TCF4: variants seen among roughly 807,000 people sequenced by gnomAD.
TCF4 encodes the protein transcription factor 4, also known as SL3-3 enhancer factor 2.
Under a neutral mutation model 82.1 loss-of-function variants are expected in TCF4, and 3 were observed. That is an observed-to-expected ratio of 0.04 (90% CI 0.02 to 0.09). The LOEUF is 0.09. TCF4 is among the 10% of genes least tolerant of loss of function. The pLI is 1.00. For synonymous variants in TCF4, 276 were observed against 309.6 expected (o/e 0.89, Z 1.14); for missense variants, 518 against 852.7 (o/e 0.61, Z 4.89).
chr18:55,608,321 T>C (rs190609649), intron 2 of TCF4, among the ~76,000 whole-genome samples: 11 of 152,150 alleles, frequency 7.2e-5, no homozygotes, highest in Admixed American at 5.9e-4. Context: ...GCTTTAAAGA[T>C]TTATAATGCA....
At chr18:55,472,788 GT>G (rs1233225872) in intron 3 of TCF4, among the ~76,000 whole-genome samples, 33 of 152,046 alleles carry the variant, frequency 2.2e-4, no homozygotes, top group Non-Finnish European at 1.5e-5. Context: ...ACACAGATAA[GT>G]TTCAAAGTAC....
chr18:55,506,013 CACTGTGAA>C (rs944858773), intron 3 of TCF4, among the ~76,000 whole-genome samples: 28 of 152,276 alleles, frequency 1.8e-4, no homozygotes, highest in African/African-American at 6.7e-4. Flanking sequence ...CTGACTTGTT[CACTGTGAA>C]ACCTCAACAG....
At chr18:55,331,247 T>A (rs576275131) in intron 8 of TCF4, among the ~76,000 whole-genome samples, 9 of 152,216 alleles carry the variant, frequency 5.9e-5, no homozygotes, top group Non-Finnish European at 1.2e-4. Context: ...GGCCACTGTC[T>A]TAATCACACC....
At chr18:55,402,016 T>C in intron 6 of TCF4, 1 of 984,756 alleles carries the variant, frequency 1.0e-6, no homozygotes, top group Non-Finnish European at 1.2e-6. Context: ...ACTCAGAGGC[T>C]TGTCGCCCAG....
rs147289056 is a variant in TCF4 at position 55,228,276 on chromosome 18, G to C, written c.1965C>G (p.Ala655=). Residue 655 remains alanine, a synonymous_variant, in exon 19 of 20, where the codon GCC becomes GCG. Transcript: ENST00000354452. ...CGTCTCCCATTCCAGGGTGTGGGCC[G>C]GCCAAGGAGAGAGGGGGAGGCTCTG... is the stretch of plus-strand genomic sequence containing the variant. The part of the protein sequence containing the change: ...VSSEPPPLSL[A]GPHPGMGDAS... The C allele has an allele frequency of 1.2e-6, 2 of 1,613,980 alleles. No individual in the cohort carries two copies. Among genetic ancestry groups the C allele is most frequent in the Non-Finnish European group, 1.7e-6 (2 of 1,180,008 alleles).
intron 3 of TCF4, among the ~76,000 whole-genome samples, chr18:55,523,750 C>T (rs2096953311): frequency 1.3e-5 from 2 of 151,898 alleles, no homozygotes; most frequent in South Asian, 4.2e-4. Context: ...TTGACTTTCC[C>T]TTTTTATTTT....
intron 13 of TCF4, among the ~76,000 whole-genome samples, chr18:55,259,345 T>C (rs41437147): frequency 0.13 from 19,897 of 152,164 alleles, 1,686 homozygotes; most frequent in African/African-American, 0.23. Context: ...AAAGTGAAAT[T>C]ATTTACTGAC....
intron 3 of TCF4, among the ~76,000 whole-genome samples, chr18:55,490,984 A>G (rs940991780): frequency 6.6e-6 from 1 of 152,224 alleles, no homozygotes; most frequent in Non-Finnish European, 1.5e-5. Context: ...GAAGTCTTTC[A>G]AAAGATGATT....
intron 8 of TCF4, chr18:55,322,281 A>G (rs1602614828): frequency 9.5e-7 from 1 of 1,050,282 alleles, no homozygotes; most frequent in African/African-American, 1.7e-5. Flanking sequence ...TTTTAATTTG[A>G]TTAAAAAGCG....
intron 5 of TCF4, among the ~76,000 whole-genome samples, chr18:55,421,748 TGTTTAA>T (rs1028615832): frequency 1.1e-4 from 16 of 152,350 alleles, no homozygotes; most frequent in African/African-American, 3.8e-4. Flanking sequence ...AGTCAGACTC[TGTTTAA>T]GTTTTTCTTT....
intron 9 of TCF4, among the ~76,000 whole-genome samples, chr18:55,277,607 T>C (rs2061701473): frequency 6.6e-6 from 1 of 151,710 alleles, no homozygotes; most frequent in Non-Finnish European, 1.5e-5. Context: ...ACTCAATTTT[T>C]TTTTTTTTTT....
chr18:55,616,228 A>G (rs1017536644), intron 2 of TCF4, among the ~76,000 whole-genome samples: 1 of 152,064 alleles, frequency 6.6e-6, no homozygotes, highest in Non-Finnish European at 1.5e-5. Context: ...GTTATGAAGT[A>G]TTTGTCCTTC....
chr18:55,306,958 A>C (rs969989757), intron 8 of TCF4, among the ~76,000 whole-genome samples: 1 of 152,172 alleles, frequency 6.6e-6, no homozygotes, highest in Admixed American at 6.5e-5. Flanking sequence ...AACTGCAATA[A>C]CACCACCAAA....
intron 8 of TCF4, among the ~76,000 whole-genome samples, chr18:55,319,972 T>C (rs1363313524): frequency 2.0e-5 from 3 of 152,226 alleles, no homozygotes; most frequent in African/African-American, 4.8e-5. Context: ...TCTTTTATAA[T>C]GTAAGTCTTT....
At chr18:55,413,976 C>T (rs1266752765) in intron 5 of TCF4, among the ~76,000 whole-genome samples, 1 of 152,090 alleles carries the variant, frequency 6.6e-6, no homozygotes, top group East Asian at 1.9e-4. Flanking sequence ...ACATTATTCT[C>T]AAGGAGGTAA....
chr18:55,621,663 ATT>A (rs1387979697), intron 2 of TCF4, among the ~76,000 whole-genome samples: 2 of 49,276 alleles, frequency 4.1e-5, no homozygotes, highest in Non-Finnish European at 7.5e-5. Context: ...TATAATATAC[ATT>A]ATATAATATA....
At chr18:55,237,210 C>G (rs958359261) in intron 15 of TCF4, among the ~76,000 whole-genome samples, 2 of 152,124 alleles carry the variant, frequency 1.3e-5, no homozygotes, top group Non-Finnish European at 2.9e-5. Context: ...AGAACCCCCT[C>G]AAAACTCAAG....
chr18:55,521,188 CA>C (rs1413493526), intron 3 of TCF4, among the ~76,000 whole-genome samples: 1 of 152,138 alleles, frequency 6.6e-6, no homozygotes, highest in Non-Finnish European at 1.5e-5. Context: ...CGTTTCCTAA[CA>C]ATAGATTATA....
intron 6 of TCF4, among the ~76,000 whole-genome samples, chr18:55,396,741 A>G (rs1185270522): frequency 6.6e-6 from 1 of 152,228 alleles, no homozygotes; most frequent in Non-Finnish European, 1.5e-5. Context: ...AGCCTGAGCC[A>G]TAACTACTTT....
Sources: gnomAD v4.1 joint callset for allele counts (sites outside exome capture counted in the v4.1 genomes callset) on GRCh38, gnomAD v4.1.1 for gene constraint, MANE v1.5 for transcripts, NCBI Gene and HGNC (gene_info 2026-07-23, HGNC 2026-07-21) for gene names.